Variants in TSG101 observed in about 807,000 individuals in gnomAD.
TSG101 encodes the protein tumor susceptibility gene 101 protein.
TSG101 carries 19 observed loss-of-function variants against 48.5 expected under a neutral mutation model. That is an observed-to-expected ratio of 0.39 (90% CI 0.27 to 0.58). The LOEUF (loss-of-function observed/expected upper bound fraction) is 0.58, where lower values mean the gene tolerates loss of function less well. Ranked by LOEUF, TSG101 falls within the 20% of genes least tolerant of loss-of-function variation. The pLI, the probability that TSG101 is intolerant of heterozygous loss-of-function variation, is 0.55. For synonymous variants in TSG101, 174 were observed against 169.4 expected (o/e 1.03, Z -0.21); for missense variants, 365 against 484.4 (o/e 0.75, Z 2.31).
chr11:18,520,985 C>T (rs941485574), intron 1 of TSG101, among the ~76,000 whole-genome samples: 3 of 151,432 alleles, frequency 2.0e-5, no homozygotes, highest in Admixed American at 6.6e-5. Flanking sequence ...GAGCCGAGAT[C>T]GTGCCCTTGC....
chr11:18,509,223 T>C (rs1012011940), intron 5 of TSG101, among the ~76,000 whole-genome samples: 18 of 152,374 alleles, frequency 1.2e-4, no homozygotes, highest in African/African-American at 4.3e-4. Context: ...TCAAGTTATA[T>C]GTGCTTCCAA....
At chr11:18,524,296 G>C (rs1409055351) in intron 1 of TSG101, among the ~76,000 whole-genome samples, 1 of 152,152 alleles carries the variant, frequency 6.6e-6, no homozygotes, top group East Asian at 1.9e-4. Flanking sequence ...TTGAAGTTGG[G>C]AGCTAAGATA....
Position 18,480,449 on chromosome 11 carries a change from A to C in TSG101, c.*97T>G, listed in dbSNP as rs1849510538. The C allele has an allele frequency of 3.4e-6, 3 of 877,096 alleles. No individual in the cohort carries two copies. Among genetic ancestry groups the C allele is most frequent in the Admixed American group, 2.8e-5 (1 of 35,594 alleles). 54.3% of individuals were successfully genotyped at this position (877,096 alleles called of 1,614,324 possible). On this transcript the variant is annotated 3_prime_UTR_variant, in exon 10 of 10. Transcript: ENST00000251968. ...ATTGATTCAAAATATTTTACACTTGAATGATAAACTGCAATAACTTATTCT... is the reference window on the plus strand; with the variant it reads ...ATTGATTCAAAATATTTTACACTTGCATGATAAACTGCAATAACTTATTCT...
In TSG101 at chr11:18,500,759, T is replaced by A. The variant is rs186091291; in HGVS notation, c.640+1727A>T. Among the ~76,000 whole-genome samples the A allele has an allele frequency of 1.2e-4, 19 of 152,254 alleles. No individual in the cohort carries two copies. The East Asian group carries it at 2.9e-3, about 23-fold the overall frequency. On this transcript the variant is annotated intron_variant, in intron 7 of 9. Coordinates refer to ENST00000251968, the MANE Select transcript of TSG101 (RefSeq NM_006292.4). ...GTACTTTGCAAATATTTTCTCCCAC[T>A]CAACAGGTCGTCTCTTTACTTTGTT... is the stretch of plus-strand genomic sequence containing the variant.
intron 7 of TSG101, among the ~76,000 whole-genome samples, chr11:18,496,321 A>G (rs1195146082): frequency 6.6e-6 from 1 of 151,640 alleles, no homozygotes; most frequent in East Asian, 2.0e-4. Context: ...ACATGCCTAT[A>G]GTCTCAGCTA....
At chr11:18,500,515 T>C (rs951521645) in intron 7 of TSG101, among the ~76,000 whole-genome samples, 1 of 152,222 alleles carries the variant, frequency 6.6e-6, no homozygotes, top group Admixed American at 6.5e-5. Flanking sequence ...TTTTTAATAA[T>C]GGCCATTCAA....
At chr11:18,507,433 C>T (rs1439377735) in intron 5 of TSG101, among the ~76,000 whole-genome samples, 1 of 152,138 alleles carries the variant, frequency 6.6e-6, no homozygotes, top group Non-Finnish European at 1.5e-5. Context: ...AAAAACTAGT[C>T]TAGGTGACAG....
At chr11:18,523,111 C>A (rs529668252) in intron 1 of TSG101, among the ~76,000 whole-genome samples, 38 of 152,232 alleles carry the variant, frequency 2.5e-4, no homozygotes, top group African/African-American at 7.9e-4. Context: ...CCAGGCTGGT[C>A]TGGAACTCCT....
intron 1 of TSG101, among the ~76,000 whole-genome samples, chr11:18,522,150 T>C (rs1850288993): frequency 6.6e-6 from 1 of 152,214 alleles, no homozygotes; most frequent in Non-Finnish European, 1.5e-5. Flanking sequence ...CTCATTCCTT[T>C]GATCTCCCTC....
intron 7 of TSG101, among the ~76,000 whole-genome samples, chr11:18,487,462 A>C (rs558442475): frequency 3.5e-4 from 54 of 152,314 alleles, no homozygotes; most frequent in African/African-American, 1.2e-3. Flanking sequence ...AATGCAATAT[A>C]ATTTGAGAAA....
intron 2 of TSG101, 48 bp from the exon 3 acceptor site, chr11:18,516,212 T>C: frequency 2.0e-6 from 3 of 1,518,722 alleles, no homozygotes; most frequent in Non-Finnish European, 2.7e-6. Context: ...TTTAAGATAC[T>C]CCCATAAGTT....
chr11:18,499,246 TTTATATA>T (rs1352538612), intron 7 of TSG101, among the ~76,000 whole-genome samples: 6 of 136,632 alleles, frequency 4.4e-5, no homozygotes, highest in Non-Finnish European at 9.2e-5. Context: ...TAATTATATA[TTTATATA>T]TTATATATAT....
At chr11:18,480,675 TGA>T (rs1849517795) in intron 9 of TSG101, 40 bp from the exon 10 acceptor site, 1 of 1,580,330 alleles carries the variant, frequency 6.3e-7, no homozygotes, top group Non-Finnish European at 8.7e-7. Flanking sequence ...AGAATGGCTT[TGA>T]TTTAGGCCCA....
At chr11:18,497,188 T>C (rs1490071485) in intron 7 of TSG101, among the ~76,000 whole-genome samples, 2 of 152,166 alleles carry the variant, frequency 1.3e-5, no homozygotes, top group African/African-American at 4.8e-5. Context: ...ACCATTGATA[T>C]ACTGAGAAAA....
intron 7 of TSG101, among the ~76,000 whole-genome samples, chr11:18,494,884 G>A (rs1378098486): frequency 6.6e-6 from 1 of 152,154 alleles, no homozygotes; most frequent in Non-Finnish European, 1.5e-5. Flanking sequence ...AACTTGTCAT[G>A]TTTACTAGCT....
intron 1 of TSG101, among the ~76,000 whole-genome samples, chr11:18,524,386 GAGAGCCTACAATC>G (rs1423398979): frequency 1.3e-5 from 2 of 152,142 alleles, no homozygotes; most frequent in Non-Finnish European, 2.9e-5. Flanking sequence ...GATGTGTGTG[GAGAGCCTACAATC>G]AGATAAAGAG....
intron 9 of TSG101, among the ~76,000 whole-genome samples, chr11:18,480,847 G>T (rs1849524741): frequency 6.6e-6 from 1 of 152,150 alleles, no homozygotes; most frequent in African/African-American, 2.4e-5. Flanking sequence ...ATCTGGCTCA[G>T]GAGTTTGACC....
intron 7 of TSG101, among the ~76,000 whole-genome samples, chr11:18,489,949 T>C (rs1285437594): frequency 1.3e-5 from 2 of 152,242 alleles, no homozygotes; most frequent in Non-Finnish European, 2.9e-5. Flanking sequence ...GTAAGAGTTT[T>C]GCTAAATTAC....
intron 1 of TSG101, among the ~76,000 whole-genome samples, chr11:18,526,339 C>T (rs1850372745): frequency 6.6e-6 from 1 of 152,234 alleles, no homozygotes; most frequent in Admixed American, 6.5e-5. Context: ...AAAGGCCACA[C>T]TCTCTGCGGG....
Sources: allele counts gnomAD v4.1 joint callset (sites outside exome capture counted in the v4.1 genomes callset), GRCh38; gene constraint gnomAD v4.1.1; transcripts MANE v1.5; gene names NCBI Gene and HGNC (gene_info 2026-07-23, HGNC 2026-07-21).